The following RAB40B variants were observed in gnomAD, a reference collection of about 807,000 sequenced individuals.
RAB40B encodes ras-related protein Rab-40B.
A neutral mutation model predicts 24.0 loss-of-function variants in RAB40B; 21 were observed. The observed-to-expected ratio is 0.88, with a 90% confidence interval of 0.62 to 1.26. The LOEUF (loss-of-function observed/expected upper bound fraction) is 1.26. RAB40B is among the 50% of genes most tolerant of loss of function. RAB40B has a pLI of 0.00. For missense variants in RAB40B, 348 were observed against 390.5 expected (o/e 0.89, Z 0.92); for synonymous variants, 167 against 169.8 (o/e 0.98, Z 0.13).
chr17:82,659,244 C>T (rs764883782), intron 4 of RAB40B: 12 of 342,664 alleles, frequency 3.5e-5, no homozygotes, highest in Non-Finnish European at 6.0e-5. Context: ...GTCTGCGTGC[C>T]AGCAGGCACA....
intron 1 of RAB40B, among the ~76,000 whole-genome samples, chr17:82,682,101 C>G (rs1333211717): frequency 8.6e-6 from 1 of 115,960 alleles, no homozygotes; most frequent in Non-Finnish European, 1.8e-5. Flanking sequence ...GATGACATTA[C>G]TATACACACA....
chr17:82,676,558 G>A (rs1034182800), intron 1 of RAB40B, among the ~76,000 whole-genome samples: 1 of 151,528 alleles, frequency 6.6e-6, no homozygotes, highest in African/African-American at 2.4e-5. Context: ...CTTTGCATTC[G>A]GATGGGTCCT....
chr17:82,689,740 G>A (rs1428407459), intron 1 of RAB40B, among the ~76,000 whole-genome samples: 3 of 152,068 alleles, frequency 2.0e-5, no homozygotes. Context: ...AGGCCAAGGC[G>A]GGTGGATCAC....
In RAB40B at chr17:82,658,072, C is replaced by A; in HGVS notation, c.628G>T (p.Asp210Tyr). ...VVSCTPVHLV[D>Y]KLPLPIALRS... is the part of the protein sequence containing the mutation. ...AAGGCAATGGGGAGCGGGAGCTTGTCCACCAGGTGCACCGGCGTGCAGGAC... is the reference window on the plus strand; with the variant it reads ...AAGGCAATGGGGAGCGGGAGCTTGTACACCAGGTGCACCGGCGTGCAGGAC... The change falls in exon 6 of 6, where the codon GAC (aspartate) becomes TAC (tyrosine). Residue 210 changes from aspartate to tyrosine, a missense_variant. Coordinates refer to ENST00000571995, the MANE Select transcript of RAB40B (RefSeq NM_006822.3). 1 of 1,614,176 alleles carries A rather than the reference C, an allele frequency of 6.2e-7. No individual in the cohort carries two copies. The highest frequency in any genetic ancestry group is 8.5e-7 in the Non-Finnish European group (1 of 1,180,036).
In RAB40B at chr17:82,698,521, C is replaced by A; in HGVS notation, c.76G>T (p.Gly26Cys). ...AGGCTCGCCAGGATCTCGCCCTTGCCCACGTCGCTGTCGCCCACCAGCAGG... is the reference window on the plus strand; with the variant it reads ...AGGCTCGCCAGGATCTCGCCCTTGCACACGTCGCTGTCGCCCACCAGCAGG... ...KFLLVGDSDV[G>C]KGEILASLQD... The change falls in exon 1 of 6, where the codon GGC (glycine) becomes TGC (cysteine). Residue 26 changes from glycine (G) to cysteine (C), a missense_variant. Physicochemically the swap from Gly to Cys is radical, Grantham distance 159. This residue lies in a region of RAB40B where 101 missense variants were observed against 85.5 expected (regional missense o/e 1.18). Coordinates refer to ENST00000571995, the MANE Select transcript of RAB40B (RefSeq NM_006822.3). 1 of 1,530,448 alleles carries A rather than the reference C, an allele frequency of 6.5e-7. No individual in the cohort carries two copies. Among genetic ancestry groups the A allele is most frequent in the Non-Finnish European group, 8.8e-7 (1 of 1,134,428 alleles). The allele number at this position is 1,530,448 out of a possible 1,614,324, so 94.8% of individuals were successfully genotyped here. A position where few individuals can be genotyped will look rare whatever the true frequency, so the allele number is the denominator to read the frequency against.
Position 82,664,541 on chromosome 17 carries a change from G to T in RAB40B, c.158C>A (p.Thr53Lys). ...CCGCCCGTCCAGCAGGATGGTGGTC[G>T]TCTTGTAGTCGATGCCTGCGGAAGG... ...YGHPAGIDYK[T>K]TTILLDGRRV... Residue 53 changes from threonine to lysine, a missense_variant, in exon 2 of 6, where the codon ACG (threonine) becomes AAG (lysine). By Grantham distance (78) the Thr-to-Lys change is moderately conservative. Around this residue, in one of 3 missense-constraint regions of RAB40B, gnomAD observed 101 missense variants for 85.5 expected, o/e 1.18. Coordinates refer to ENST00000571995, the MANE Select transcript of RAB40B (RefSeq NM_006822.3). 6.2e-7 allele frequency: 1 copy of T among 1,613,638 alleles called. No individual in the cohort carries two copies. The highest frequency in any genetic ancestry group is 1.1e-5 in the South Asian group (1 of 91,090).
chr17:82,662,392 T>C, intron 2 of RAB40B: 1 of 985,428 alleles, frequency 1.0e-6, no homozygotes, highest in South Asian at 4.7e-5. Context: ...GGCCAGCACG[T>C]GCTGTCAGAG....
Position 82,698,542 on chromosome 17 carries a change from G to C in RAB40B, c.55C>G (p.Leu19Val), listed in dbSNP as rs201252583. The stretch of plus-strand genomic sequence containing the variant: ...TTGCCCACGTCGCTGTCGCCCACCA[G>C]CAGGAACTTGAGCAGAAAGTCGTAG... ...RAYDFLLKFL[L>V]VGDSDVGKGE... is the part of the protein sequence containing the mutation. Residue 19 changes from leucine to valine, a missense_variant, in exon 1 of 6, where the codon CTG (leucine) becomes GTG (valine). Physicochemically the swap from Leu to Val is conservative, Grantham distance 32 (BLOSUM62 1). Around this residue, in one of 3 missense-constraint regions of RAB40B, gnomAD observed 101 missense variants for 85.5 expected, o/e 1.18. Coordinates refer to ENST00000571995, the MANE Select transcript of RAB40B (RefSeq NM_006822.3). The C allele has an allele frequency of 2.6e-6, 4 of 1,527,056 alleles. No individual in the cohort carries two copies. The highest frequency in any genetic ancestry group is 1.2e-5 in the South Asian group (1 of 85,208). The allele number at this position is 1,527,056 out of a possible 1,614,324, so 94.6% of individuals were successfully genotyped here.
Position 82,691,483 on chromosome 17 carries a change from C to T in RAB40B, c.142+6972G>A, listed in dbSNP as rs555868761. Among the ~76,000 whole-genome samples the T allele has an allele frequency of 8.5e-5, 13 of 152,160 alleles. No homozygotes were observed. In the South Asian group the frequency reaches 2.7e-3, roughly 32 times the overall value. ...GGCGGATTGCCTGAGGTCAGGAGTT[C>T]GAGACCAGCCTGACCAACATGGTGA... On this transcript the variant is annotated intron_variant, in intron 1 of 5. Coordinates refer to ENST00000571995, the MANE Select transcript of RAB40B (RefSeq NM_006822.3).
chr17:82,657,642 C>T lies in RAB40B; in HGVS notation c.*221G>A. 1 of 683,260 alleles carries T rather than the reference C, an allele frequency of 1.5e-6. No homozygotes were observed. Among genetic ancestry groups the T allele is most frequent in the Non-Finnish European group, 2.7e-6 (1 of 372,026 alleles). 42.3% of individuals were successfully genotyped at this position (683,260 alleles called of 1,614,324 possible). ...AAGAGTCGAGCAGAGTACTAATTTT[C>T]CCTTTACAAACACACATCGAAAACA... On this transcript the variant is annotated 3_prime_UTR_variant, in exon 6 of 6. Transcript: ENST00000571995.
In RAB40B at chr17:82,656,565, TCTC is replaced by T. The variant is rs1400525141; in HGVS notation, c.*1295_*1297del. On this transcript the variant is annotated 3_prime_UTR_variant, in exon 6 of 6. Coordinates refer to ENST00000571995, the MANE Select transcript of RAB40B (RefSeq NM_006822.3). ...GGTGCCAGCTTTTAACTCTCCGCTC[TCTC>T]CTCCTCTGCACTTCTGTTCCGGAAA... The T allele has an allele frequency of 1.3e-5, 2 of 152,218 alleles. No homozygotes were observed. Among genetic ancestry groups the T allele is most frequent in the Non-Finnish European group, 2.9e-5 (2 of 68,052 alleles). The allele number at this position is 152,218 out of a possible 1,614,324, so 9.4% of individuals were successfully genotyped here.
chr17:82,698,238 G>C (rs879283989), intron 1 of RAB40B, among the ~76,000 whole-genome samples: 164 of 151,956 alleles, frequency 1.1e-3, no homozygotes, highest in Admixed American at 2.7e-3. Context: ...GGCCAGGGCC[G>C]GGCGGAGAAA....
intron 1 of RAB40B, 62 bp from the exon 2 acceptor site, chr17:82,664,618 C>A: frequency 6.7e-7 from 1 of 1,503,102 alleles, no homozygotes; most frequent in South Asian, 1.2e-5. Context: ...CTGGAAGTCT[C>A]ACGTTCAGGG....
At position 82,656,029 on chromosome 17, in the gene RAB40B, A is replaced by C. The variant is rs111946258; in HGVS notation, c.*1834T>G. On this transcript the variant is annotated 3_prime_UTR_variant, in exon 6 of 6. Transcript: ENST00000571995. ...AGTGGTACGATCTCGGCTCACTGCA[A>C]CCCCTGCCTCCCAGGTTCAAGTGAT... 1.3e-5 allele frequency: 2 copies of C among 149,580 alleles called. No individual in the cohort carries two copies. The highest frequency in any genetic ancestry group is 2.5e-5 in the African/African-American group (1 of 40,466). 9.3% of individuals were successfully genotyped at this position (149,580 alleles called of 1,614,324 possible).
rs1420765227 is a variant in RAB40B at position 82,663,984 on chromosome 17, G to A, written c.203+512C>T. ...TGCTCCCCGGGGCGCTGTGCCGACGGTGGTGGTGGGAGGGTGTTCCCGGGG... is the reference window on the plus strand; with the variant it reads ...TGCTCCCCGGGGCGCTGTGCCGACGATGGTGGTGGGAGGGTGTTCCCGGGG... On this transcript the variant is annotated intron_variant, in intron 2 of 5. Coordinates refer to ENST00000571995, the MANE Select transcript of RAB40B (RefSeq NM_006822.3). This position sits in a 1 kb window ranked among gnomAD's most constrained non-coding sequence, Gnocchi z 6.2. Among the ~76,000 whole-genome samples, 1 of 150,362 alleles carries A rather than the reference G, an allele frequency of 6.7e-6. No homozygotes were observed. Among genetic ancestry groups the A allele is most frequent in the Non-Finnish European group, 1.5e-5 (1 of 67,392 alleles).
intron 1 of RAB40B, among the ~76,000 whole-genome samples, chr17:82,689,208 A>G (rs1270560314): frequency 2.0e-5 from 3 of 152,178 alleles, no homozygotes; most frequent in Admixed American, 1.3e-4. Context: ...AGCAGCCTGC[A>G]CTCCTGGGGC....
chr17:82,672,737 C>T (rs757037768), intron 1 of RAB40B, among the ~76,000 whole-genome samples: 1 of 152,204 alleles, frequency 6.6e-6, no homozygotes, highest in Non-Finnish European at 1.5e-5. Context: ...TTCCCAGCCT[C>T]CAGAACTGTA....
chr17:82,672,690 G>A (rs1048207575), intron 1 of RAB40B, among the ~76,000 whole-genome samples: 1 of 152,216 alleles, frequency 6.6e-6, no homozygotes, highest in African/African-American at 2.4e-5. Context: ...TGACGCAGCA[G>A]GAGGCCCTCC....
At position 82,658,605 on chromosome 17, in the gene RAB40B, T is replaced by A; in HGVS notation, c.451A>T (p.Thr151Ser). ...AQAYAERLGVTFFEVSPLCNF... is the reference protein window; with the variant it reads ...AQAYAERLGVSFFEVSPLCNF... ...CACAGAGGGCTGACCTCAAAGAAGGTCACGCCCAGGCGCTCGGCGTAGGCC... is the reference window on the plus strand; with the variant it reads ...CACAGAGGGCTGACCTCAAAGAAGGACACGCCCAGGCGCTCGGCGTAGGCC... Residue 151 changes from threonine (T) to serine (S), a missense_variant, in exon 5 of 6, where the codon ACC (threonine) becomes TCC (serine). By Grantham distance (58) the Thr-to-Ser change is moderately conservative (BLOSUM62 1). This residue lies in a region of RAB40B where 126 missense variants were observed against 181.0 expected (regional missense o/e 0.70). Coordinates refer to ENST00000571995, the MANE Select transcript of RAB40B (RefSeq NM_006822.3). 6.2e-7 allele frequency: 1 copy of A among 1,613,388 alleles called. No individual in the cohort carries two copies. Among genetic ancestry groups the A allele is most frequent in the African/African-American group, 1.3e-5 (1 of 74,878 alleles).
Sources: gnomAD v4.1 joint callset for allele counts (sites outside exome capture counted in the v4.1 genomes callset) on GRCh38, gnomAD v4.1.1 for gene constraint, gnomAD v4.1.1 regional missense constraint, Gnocchi (gnomAD v3.1) non-coding constraint, MANE v1.5 for transcripts, NCBI Gene and HGNC (gene_info 2026-07-23, HGNC 2026-07-21) for gene names.